Variants in SPATA6L observed in about 807,000 individuals in gnomAD.
The protein encoded by SPATA6L is spermatogenesis associated 6 like, also known as spermatogenesis associated 6-like protein.
Under a neutral mutation model 49.2 loss-of-function variants are expected in SPATA6L, and 68 were observed. The ratio of observed to expected loss-of-function variants is 1.38; its 90% CI spans 1.14 to 1.69. The LOEUF (loss-of-function observed/expected upper bound fraction) is 1.69, where lower values mean the gene tolerates loss of function less well. Among genes scored for constraint, SPATA6L ranks in the 40% most tolerant of loss-of-function variants. The pLI is 0.00. For synonymous variants in SPATA6L, 198 were observed against 165.7 expected (o/e 1.19, Z -1.50); for missense variants, 668 against 464.3 (o/e 1.44, Z -4.03).
intron 5 of SPATA6L, chr9:4,626,484 A>G: frequency 1.5e-6 from 2 of 1,304,322 alleles, no homozygotes; most frequent in Non-Finnish European, 2.0e-6. Context: ...TCTGGGTCCC[A>G]TTTCTGTTCA....
chr9:4,593,810 C>T (rs576372196), downstream of SPATA6L, among the ~76,000 whole-genome samples: 1 of 152,326 alleles, frequency 6.6e-6, no homozygotes, highest in East Asian at 1.9e-4. Flanking sequence ...TTTTCCACCA[C>T]TCTTCCACAA....
intron 7 of SPATA6L, among the ~76,000 whole-genome samples, chr9:4,621,958 A>G (rs1374676225): frequency 6.6e-6 from 1 of 152,250 alleles, no homozygotes; most frequent in Non-Finnish European, 1.5e-5. Flanking sequence ...TAACTGCTTC[A>G]GATAGAGTTG....
In SPATA6L at chr9:4,605,361, G is replaced by A. The variant is rs754461603; in HGVS notation, c.1075C>T (p.Leu359=). 3 of 1,613,750 alleles carry A rather than the reference G, an allele frequency of 1.9e-6. No homozygotes were observed. The highest frequency in any genetic ancestry group is 2.5e-6 in the Non-Finnish European group (3 of 1,179,636). ...GAAAGTCTAACCTTGTTTTGGTGCA[G>A]CTGTGCTCTGTGGGATGTCAGAAGA... The part of the protein sequence containing the change: ...CSLLTSHRAQ[L]HQNKEDSTSE... Residue 359 remains leucine, a synonymous_variant, in exon 10 of 12, where the codon CTG becomes TTG. Transcript: ENST00000682582.
At chr9:4,591,484 C>T (rs1725200415) in intron 13 of SPATA6L, among the ~76,000 whole-genome samples, 1 of 152,196 alleles carries the variant, frequency 6.6e-6, no homozygotes, top group Admixed American at 6.5e-5. Context: ...TGTATAAATT[C>T]ACGTGATAAA....
At chr9:4,643,089 C>T (rs1372322102) in intron 3 of SPATA6L, among the ~76,000 whole-genome samples, 4 of 152,080 alleles carry the variant, frequency 2.6e-5, no homozygotes, top group African/African-American at 9.7e-5. Flanking sequence ...CTCATTGCAA[C>T]CTCTGCCTCC....
At chr9:4,655,075 A>T (rs1837808879) in intron 3 of SPATA6L, among the ~76,000 whole-genome samples, 1 of 152,228 alleles carries the variant, frequency 6.6e-6, no homozygotes, top group African/African-American at 2.4e-5. Flanking sequence ...ACATATGTTC[A>T]CACAAAAACT....
At chr9:4,589,461 A>T (rs1821765800) in intron 13 of SPATA6L, among the ~76,000 whole-genome samples, 1 of 152,252 alleles carries the variant, frequency 6.6e-6, no homozygotes, top group Non-Finnish European at 1.5e-5. Context: ...AGTATATCCA[A>T]CCTAGTGAGA....
intron 3 of SPATA6L, among the ~76,000 whole-genome samples, chr9:4,637,982 CACTT>C (rs542182226): frequency 2.4e-3 from 358 of 152,302 alleles, no homozygotes; most frequent in Middle Eastern, 0.01. Flanking sequence ...ATTCAAAAAA[CACTT>C]CATTCATTGA....
Position 4,610,593 on chromosome 9 carries a change from T to C in SPATA6L, c.996-5153A>G, listed in dbSNP as rs1826465515. 2.0e-5 allele frequency among the ~76,000 whole-genome samples: 3 copies of C among 151,072 alleles called. No homozygotes were observed. In the South Asian group the frequency reaches 6.3e-4, roughly 32 times the overall value. ...TGGTGCTGGGAAAACTGGCTAGCCA[T>C]ATGTAGAAAGCTGAAACTGGATCCC... On this transcript the variant is annotated intron_variant, in intron 9 of 11. Coordinates refer to ENST00000682582, the MANE Select transcript of SPATA6L (RefSeq NM_001353486.2).
chr9:4,627,265 G>A (rs12004974), intron 5 of SPATA6L: 2,307 of 154,172 alleles, frequency 0.015, 57 homozygotes, highest in African/African-American at 0.053. Context: ...AAGAAACACT[G>A]AAAAATTGCT....
chr9:4,662,560 A>G lies in SPATA6L; in HGVS notation c.40-524T>C. On this transcript the variant is annotated intron_variant, in intron 1 of 11. Coordinates refer to ENST00000682582, the MANE Select transcript of SPATA6L (RefSeq NM_001353486.2). The surrounding 1 kb of genome is among the most constrained non-coding windows in gnomAD (Gnocchi z 4.9). ...ACCTGCGCCCGGCTCCGTGCATCGG[A>G]GAGCCCAGTTCACCGCCGCGGCTCC... 1 of 1,582,434 alleles carries G rather than the reference A, an allele frequency of 6.3e-7. No individual in the cohort carries two copies. The highest frequency in any genetic ancestry group is 1.3e-5 in the African/African-American group (1 of 74,360).
At chr9:4,637,858 C>A (rs1168631445) in intron 3 of SPATA6L, among the ~76,000 whole-genome samples, 3 of 152,216 alleles carry the variant, frequency 2.0e-5, no homozygotes, top group African/African-American at 7.2e-5. Flanking sequence ...TAGCTACCCT[C>A]TTGGAGACTC....
At chr9:4,663,392 C>A in intron 1 of SPATA6L, 2 of 966,594 alleles carry the variant, frequency 2.1e-6, no homozygotes, top group Admixed American at 2.2e-5. Flanking sequence ...TTCAGGTGTC[C>A]CATGATCTTG....
At chr9:4,596,724 T>C (rs1196382542), downstream of SPATA6L, among the ~76,000 whole-genome samples, 1 of 152,222 alleles carries the variant, frequency 6.6e-6, no homozygotes, top group African/African-American at 2.4e-5. Flanking sequence ...TATTCTGAAA[T>C]GTTCTGAGTT....
At chr9:4,601,808 C>T (rs1394622797) in intron 11 of SPATA6L, among the ~76,000 whole-genome samples, 2 of 152,162 alleles carry the variant, frequency 1.3e-5, no homozygotes, top group Non-Finnish European at 2.9e-5. Context: ...TCCTCCCAAC[C>T]CACAGGAGTG....
At chr9:4,637,565 C>T (rs1051084141) in intron 3 of SPATA6L, among the ~76,000 whole-genome samples, 3 of 152,198 alleles carry the variant, frequency 2.0e-5, no homozygotes, top group Admixed American at 6.5e-5. Flanking sequence ...TCAATCAATA[C>T]AGGGCCCAGC....
intron 2 of SPATA6L, among the ~76,000 whole-genome samples, chr9:4,658,966 A>G (rs1303334272): frequency 6.6e-6 from 1 of 151,898 alleles, no homozygotes; most frequent in African/African-American, 2.4e-5. Context: ...AAAAAAAAAA[A>G]AAGGCTTCTA....
At chr9:4,594,872 AT>A (rs1564081356), downstream of SPATA6L, among the ~76,000 whole-genome samples, 1 of 152,194 alleles carries the variant, frequency 6.6e-6, no homozygotes, top group Admixed American at 6.5e-5. Flanking sequence ...ATTCAGAGGG[AT>A]TAAAAAAATA....
At chr9:4,629,262 T>C (rs1830972717) in intron 4 of SPATA6L, 94 bp from the exon 5 acceptor site, 1 of 781,410 alleles carries the variant, frequency 1.3e-6, no homozygotes, top group Non-Finnish European at 2.1e-6. Flanking sequence ...ACCTAACTGC[T>C]CTTCTGTGTG....
Sources: allele counts gnomAD v4.1 joint callset (sites outside exome capture counted in the v4.1 genomes callset), GRCh38; gene constraint gnomAD v4.1.1; non-coding constraint Gnocchi (gnomAD v3.1); transcripts MANE v1.5; gene names NCBI Gene and HGNC (gene_info 2026-07-23, HGNC 2026-07-21).